ATE1: variants seen among roughly 807,000 people sequenced by gnomAD.
ATE1 encodes the protein arginyl-tRNA--protein transferase 1.
Under a neutral mutation model 70.5 loss-of-function variants are expected in ATE1, and 36 were observed. That is an observed-to-expected ratio of 0.51 (90% CI 0.39 to 0.67). ATE1 has a LOEUF of 0.67. Among genes scored for constraint, ATE1 ranks in the 30% least tolerant of loss-of-function variants. The probability of loss-of-function intolerance (pLI) is 0.00; values close to 1 mark genes in which losing one functional copy is unlikely to be tolerated. For synonymous variants in ATE1, 232 were observed against 219.3 expected (o/e 1.06, Z -0.51); for missense variants, 593 against 629.5 (o/e 0.94, Z 0.62).
At chr10:121,795,405 G>A (rs1946623609) in intron 10 of ATE1, among the ~76,000 whole-genome samples, 1 of 152,142 alleles carries the variant, frequency 6.6e-6, no homozygotes, top group Non-Finnish European at 1.5e-5. Context: ...GATAAAGCTG[G>A]ATAAAGATGA....
intron 10 of ATE1, among the ~76,000 whole-genome samples, chr10:121,809,599 G>A (rs530332704): frequency 2.0e-5 from 3 of 152,074 alleles, no homozygotes; most frequent in Admixed American, 1.3e-4. Context: ...GTGCTAAGAC[G>A]CTAGCAGTTT....
At chr10:121,814,900 A>G (rs1200516728) in intron 10 of ATE1, among the ~76,000 whole-genome samples, 3 of 152,260 alleles carry the variant, frequency 2.0e-5, no homozygotes, top group African/African-American at 4.8e-5. Context: ...ATGGAAAATT[A>G]TAATACTAGA....
At chr10:121,896,846 A>AAT (rs1950800576) in intron 7 of ATE1, among the ~76,000 whole-genome samples, 1 of 150,072 alleles carries the variant, frequency 6.7e-6, no homozygotes, top group African/African-American at 2.4e-5. Context: ...AAAAAAAAAA[A>AAT]AAAAGCCTCA....
At chr10:121,894,217 G>T (rs960094080) in intron 7 of ATE1, among the ~76,000 whole-genome samples, 4 of 150,258 alleles carry the variant, frequency 2.7e-5, no homozygotes, top group Non-Finnish European at 5.9e-5. Flanking sequence ...AAAATGGAAG[G>T]CATAAATTCA....
intron 10 of ATE1, among the ~76,000 whole-genome samples, chr10:121,828,789 G>A (rs1334992415): frequency 1.3e-5 from 2 of 151,792 alleles, no homozygotes; most frequent in African/African-American, 2.4e-5. Context: ...ATTTCAGCAT[G>A]CCATTGTGAT....
At chr10:121,834,751 T>C (rs1948372611) in intron 10 of ATE1, among the ~76,000 whole-genome samples, 2 of 152,070 alleles carry the variant, frequency 1.3e-5, no homozygotes, top group Non-Finnish European at 2.9e-5. Flanking sequence ...GGTTAAAATA[T>C]AGGGCAAATT....
At chr10:121,789,271 C>T (rs1946334248) in intron 11 of ATE1, among the ~76,000 whole-genome samples, 1 of 145,476 alleles carries the variant, frequency 6.9e-6, no homozygotes, top group Non-Finnish European at 1.5e-5. Flanking sequence ...GATCTGAATC[C>T]AGGAAGCCTA....
intron 11 of ATE1, among the ~76,000 whole-genome samples, chr10:121,752,051 G>T (rs1223294568): frequency 6.6e-6 from 1 of 151,244 alleles, no homozygotes; most frequent in Non-Finnish European, 1.5e-5. Context: ...AAAAAAATTA[G>T]CCAGGCACGG....
intron 10 of ATE1, among the ~76,000 whole-genome samples, chr10:121,805,443 A>G (rs969920057): frequency 5.3e-5 from 8 of 152,146 alleles, no homozygotes; most frequent in Admixed American, 1.3e-4. Context: ...AATCTCCACA[A>G]TTATCCCATA....
chr10:121,853,169 C>T (rs1021345826), intron 8 of ATE1, among the ~76,000 whole-genome samples: 6 of 151,958 alleles, frequency 3.9e-5, no homozygotes, highest in African/African-American at 1.4e-4. Context: ...TCGAGACCAT[C>T]CTGGCTAACA....
intron 11 of ATE1, among the ~76,000 whole-genome samples, chr10:121,785,019 C>T (rs1946148997): frequency 6.6e-6 from 1 of 152,072 alleles, no homozygotes; most frequent in African/African-American, 2.4e-5. Flanking sequence ...TTTCTTGTTT[C>T]AATGGTTTCC....
chr10:121,868,811 G>A (rs1480700386), intron 8 of ATE1, among the ~76,000 whole-genome samples: 2 of 152,142 alleles, frequency 1.3e-5, no homozygotes, highest in Non-Finnish European at 2.9e-5. Context: ...TCTCTGGTCT[G>A]GTCCATTTCT....
intron 10 of ATE1, among the ~76,000 whole-genome samples, chr10:121,802,528 C>T (rs979604116): frequency 6.6e-6 from 1 of 152,080 alleles, no homozygotes; most frequent in Admixed American, 6.5e-5. Context: ...AGGCTACTCT[C>T]GAACTCAAGA....
chr10:121,892,642 A>G (rs1950620271), intron 7 of ATE1, among the ~76,000 whole-genome samples: 1 of 151,416 alleles, frequency 6.6e-6, no homozygotes, highest in South Asian at 2.1e-4. Flanking sequence ...GAGTAGCTGG[A>G]TTACAGGTGC....
intron 7 of ATE1, among the ~76,000 whole-genome samples, chr10:121,895,338 G>A (rs1159113077): frequency 2.6e-5 from 4 of 152,206 alleles, no homozygotes; most frequent in Non-Finnish European, 4.4e-5. Flanking sequence ...GGCTGAGCAC[G>A]GTGGCTCACG....
chr10:121,847,875 T>A (rs1357510277), intron 8 of ATE1, among the ~76,000 whole-genome samples: 1 of 147,726 alleles, frequency 6.8e-6, no homozygotes, highest in African/African-American at 2.5e-5. Context: ...ATCGAGACCA[T>A]CCTGGCTAAC....
intron 11 of ATE1, among the ~76,000 whole-genome samples, chr10:121,787,091 T>A (rs1946246776): frequency 6.6e-6 from 1 of 152,168 alleles, no homozygotes; most frequent in Admixed American, 6.5e-5. Context: ...CAAAGTAGTA[T>A]ATACAAAAGG....
At chr10:121,820,310 A>G (rs1467175338) in intron 10 of ATE1, among the ~76,000 whole-genome samples, 3 of 152,178 alleles carry the variant, frequency 2.0e-5, no homozygotes, top group Admixed American at 6.5e-5. Context: ...CGTCTTTTTG[A>G]AGCATGCTAG....
chr10:121,807,573 A>C (rs1341183365), intron 10 of ATE1, among the ~76,000 whole-genome samples: 1 of 152,330 alleles, frequency 6.6e-6, no homozygotes, highest in East Asian at 1.9e-4. Context: ...GCTATAATGC[A>C]CTAGATGATG....
Sources: allele counts gnomAD v4.1 joint callset (sites outside exome capture counted in the v4.1 genomes callset), GRCh38; gene constraint gnomAD v4.1.1; transcripts MANE v1.5; gene names NCBI Gene and HGNC (gene_info 2026-07-23, HGNC 2026-07-21).